The following NINL variants were observed in gnomAD, a reference collection of about 807,000 sequenced individuals.
NINL encodes the protein ninein like.
A neutral mutation model predicts 160.3 loss-of-function variants in NINL; 153 were observed. That is an observed-to-expected ratio of 0.95 (90% CI 0.84 to 1.09). The LOEUF (loss-of-function observed/expected upper bound fraction) is 1.09, where lower values mean the gene tolerates loss of function less well. NINL is among the 50% of genes least tolerant of loss of function. The pLI is 0.00. For missense variants in NINL, 1,829 were observed against 1,764.0 expected (o/e 1.04, Z -0.66); for synonymous variants, 800 against 734.8 (o/e 1.09, Z -1.43).
rs528882392 is a variant in NINL at position 25,471,484 on chromosome 20, G to T, written c.3249-1389C>A. ...AGAACAAGTTGATGCAAGGCCGAAAGCTGAGGGGTGCCCTACCCCATCCCC... is the reference window on the plus strand; with the variant it reads ...AGAACAAGTTGATGCAAGGCCGAAATCTGAGGGGTGCCCTACCCCATCCCC... On this transcript the variant is annotated intron_variant, in intron 17 of 23. Coordinates refer to ENST00000278886, the MANE Select transcript of NINL (RefSeq NM_025176.6). Among the ~76,000 whole-genome samples the T allele has an allele frequency of 3.9e-5, 6 of 152,272 alleles. No individual in the cohort carries two copies. The South Asian group carries it at 1.0e-3, about 26-fold the overall frequency.
Position 25,489,279 on chromosome 20 carries a change from C to T in NINL, c.1642G>A (p.Ala548Thr), listed in dbSNP as rs1298023886. The change falls in exon 13 of 24, where the codon GCA (alanine) becomes ACA (threonine). Residue 548 changes from alanine (A) to threonine (T), a missense_variant. Physicochemically the swap from Ala to Thr is moderately conservative, Grantham distance 58. Transcript: ENST00000278886. Reference protein sequence around the residue: ...AELLAQEERFAAVLKEYELKC... With the variant: ...AELLAQEERFTAVLKEYELKC... Reference sequence around the variant, plus strand: ...AGCTCGTATTCCTTCAGGACTGCTGCGAACCGCTCCTCCTGGGCCAGGAGC... The same window carrying T: ...AGCTCGTATTCCTTCAGGACTGCTGTGAACCGCTCCTCCTGGGCCAGGAGC... The T allele has an allele frequency of 5.0e-6, 8 of 1,614,000 alleles. No individual in the cohort carries two copies. The highest frequency in any genetic ancestry group is 1.3e-5 in the African/African-American group (1 of 74,920).
chr20:25,477,338 G>T (rs542662678), intron 16 of NINL, among the ~76,000 whole-genome samples: 279 of 152,318 alleles, frequency 1.8e-3, no homozygotes, highest in African/African-American at 6.4e-3. Flanking sequence ...TTTCCATGTG[G>T]AGTGTTCACA....
intron 1 of NINL, among the ~76,000 whole-genome samples, chr20:25,527,149 C>A (rs2146967008): frequency 6.6e-6 from 1 of 151,886 alleles, no homozygotes; most frequent in South Asian, 2.1e-4. Flanking sequence ...GACCAGCATA[C>A]AATCTGATTT....
chr20:25,464,417 AAAACAAAC>A (rs71312677), intron 19 of NINL, among the ~76,000 whole-genome samples: 48 of 151,574 alleles, frequency 3.2e-4, no homozygotes, highest in South Asian at 1.0e-3. Flanking sequence ...ACTCCATCTC[AAAACAAAC>A]AAACAAACAA....
chr20:25,572,945 A>G (rs940528364), intron 1 of NINL, among the ~76,000 whole-genome samples: 4 of 152,194 alleles, frequency 2.6e-5, no homozygotes, highest in African/African-American at 9.7e-5. Context: ...AAACTGAGAC[A>G]CTTTCTCTTC....
In NINL at chr20:25,551,632, G is replaced by A. The variant is rs1032030855; in HGVS notation, c.-11-25034C>T. Among the ~76,000 whole-genome samples the A allele has an allele frequency of 3.9e-5, 6 of 151,984 alleles. No homozygotes were observed. The East Asian group carries it at 1.2e-3, about 29-fold the overall frequency. ...GTGTGAGGTGGGGGCAGGCAGGAGGGAAACAAGGGTGGGGGCAGGGAGGCA... is the reference window on the plus strand; with the variant it reads ...GTGTGAGGTGGGGGCAGGCAGGAGGAAAACAAGGGTGGGGGCAGGGAGGCA... On this transcript the variant is annotated intron_variant, in intron 1 of 23. Transcript: ENST00000278886.
chr20:25,477,454 T>C (rs746951544), intron 16 of NINL, among the ~76,000 whole-genome samples: 12 of 152,220 alleles, frequency 7.9e-5, no homozygotes, highest in South Asian at 2.1e-4. Flanking sequence ...ACATACGACG[T>C]GGCCCACACT....
intron 1 of NINL, among the ~76,000 whole-genome samples, chr20:25,537,799 C>CGG (rs1226719005): frequency 6.6e-6 from 1 of 152,202 alleles, no homozygotes; most frequent in African/African-American, 2.4e-5. Flanking sequence ...CCTCAGGACA[C>CGG]TGTCTCCTTC....
chr20:25,476,939 T>TGCCCTCTCCAGCTCCAGC lies in NINL; in HGVS notation c.2334_2351dup (p.Glu780_Leu785dup). Reference sequence around the variant, plus strand: ...CGCTCGCACAGGGCTGCAGCTTCAGTGCCCTCTCCAGCTCCAGCTGCTCCG... The same window carrying TGCCCTCTCCAGCTCCAGC: ...CGCTCGCACAGGGCTGCAGCTTCAGTGCCCTCTCCAGCTCCAGCGCCCTCTCCAGCTCCAGCTGCTCCG... On this transcript the variant is annotated inframe_insertion, in exon 17 of 24. Transcript: ENST00000278886. The TGCCCTCTCCAGCTCCAGC allele has an allele frequency of 6.2e-7, 1 of 1,611,626 alleles. No individual in the cohort carries two copies. Among genetic ancestry groups the TGCCCTCTCCAGCTCCAGC allele is most frequent in the Admixed American group, 1.7e-5 (1 of 60,006 alleles).
At chr20:25,535,725 A>G (rs574903113) in intron 1 of NINL, among the ~76,000 whole-genome samples, 44 of 152,262 alleles carry the variant, frequency 2.9e-4, no homozygotes, top group Middle Eastern at 6.8e-3. Flanking sequence ...AAGTGTTCAA[A>G]ATATGGTGAC....
intron 17 of NINL, among the ~76,000 whole-genome samples, chr20:25,473,300 C>T (rs1273112770): frequency 2.0e-5 from 3 of 151,968 alleles, no homozygotes; most frequent in Non-Finnish European, 4.4e-5. Context: ...TTATGTGTAT[C>T]ACACTTTAAT....
chr20:25,528,213 T>G (rs1248745356), intron 1 of NINL, among the ~76,000 whole-genome samples: 1 of 152,058 alleles, frequency 6.6e-6, no homozygotes, highest in Non-Finnish European at 1.5e-5. Context: ...TAAAATTTTT[T>G]TACCAAGATA....
intron 17 of NINL, 50 bp downstream of exon 17, chr20:25,475,993 T>A (rs1289489320): frequency 8.9e-6 from 14 of 1,565,768 alleles, no homozygotes; most frequent in Non-Finnish European, 1.2e-5. Flanking sequence ...GGGTTAGTTC[T>A]GCATTTTTAG....
chr20:25,574,857 T>A (rs1026262952), intron 1 of NINL, among the ~76,000 whole-genome samples: 1 of 152,040 alleles, frequency 6.6e-6, no homozygotes, highest in Non-Finnish European at 1.5e-5. Flanking sequence ...TTTTCCCACC[T>A]CCTCACATAA....
At chr20:25,492,690 G>A (rs1357743661) in intron 10 of NINL, among the ~76,000 whole-genome samples, 1 of 151,960 alleles carries the variant, frequency 6.6e-6, no homozygotes, top group African/African-American at 2.4e-5. Flanking sequence ...CTGACCTCGT[G>A]ATCTGCCTCC....
rs1390444319 is a variant in NINL at position 25,482,106 on chromosome 20, G to A, written c.1678-6C>T. 6.3e-7 allele frequency: 1 copy of A among 1,593,076 alleles called. No homozygotes were observed. The highest frequency in any genetic ancestry group is 1.3e-5 in the African/African-American group (1 of 74,822). ...TCGTTGCGGTCCTGCAGGTCCTGTG[G>A]GGACAGAGCCAGCCACCTCCTCTAG... On this transcript the variant is annotated splice_region_variant and splice_polypyrimidine_tract_variant and intron_variant, in intron 13 of 23. Transcript: ENST00000278886.
intron 1 of NINL, among the ~76,000 whole-genome samples, chr20:25,553,814 C>A (rs1196773954): frequency 6.6e-6 from 1 of 152,240 alleles, no homozygotes; most frequent in Non-Finnish European, 1.5e-5. Flanking sequence ...CCGTTTCCTG[C>A]TCCCTGCTCA....
At chr20:25,537,349 C>G (rs1180836655) in intron 1 of NINL, among the ~76,000 whole-genome samples, 2 of 152,232 alleles carry the variant, frequency 1.3e-5, no homozygotes, top group East Asian at 3.8e-4. Context: ...TCCCAGAGGG[C>G]TGGGATTACA....
At chr20:25,585,203 G>A (rs1038780595) in intron 1 of NINL, among the ~76,000 whole-genome samples, 2 of 152,190 alleles carry the variant, frequency 1.3e-5, no homozygotes, top group Admixed American at 6.5e-5. Context: ...GGGAAACCGG[G>A]TTTTCAAGCG....
Sources: gnomAD v4.1 joint callset for allele counts (sites outside exome capture counted in the v4.1 genomes callset) on GRCh38, gnomAD v4.1.1 for gene constraint, MANE v1.5 for transcripts, NCBI Gene and HGNC (gene_info 2026-07-23, HGNC 2026-07-21) for gene names.